DHX40: variants seen among roughly 807,000 people sequenced by gnomAD.
DHX40 encodes probable ATP-dependent RNA helicase DHX40.
A neutral mutation model predicts 89.6 loss-of-function variants in DHX40; 28 were observed. The ratio of observed to expected loss-of-function variants is 0.31; its 90% CI spans 0.23 to 0.43. The LOEUF (loss-of-function observed/expected upper bound fraction) is 0.43. Ranked by LOEUF, DHX40 falls within the 20% of genes least tolerant of loss-of-function variation. The pLI is 1.00. For synonymous variants in DHX40, 226 were observed against 283.6 expected, an observed-to-expected ratio of 0.80 and a Z score of 2.04; for missense variants, 457 against 844.0, an observed-to-expected ratio of 0.54 and a Z score of 5.68.
intron 2 of DHX40, among the ~76,000 whole-genome samples, chr17:59,570,300 T>TTA (rs889411780): frequency 7.3e-6 from 1 of 136,152 alleles, no homozygotes; most frequent in African/African-American, 2.8e-5. Flanking sequence ...TATTTATATA[T>TTA]TATATATATA....
chr17:59,594,519 G>A (rs113729346), intron 12 of DHX40, among the ~76,000 whole-genome samples: 34 of 151,704 alleles, frequency 2.2e-4, no homozygotes, highest in African/African-American at 8.3e-4. Flanking sequence ...TGGGGAGTTA[G>A]GAGCTGATAC....
chr17:59,602,703 A>G, intron 15 of DHX40, 87 bp downstream of exon 15: 2 of 1,141,184 alleles, frequency 1.8e-6, no homozygotes, highest in Non-Finnish European at 2.5e-6. Context: ...AACATTGAAG[A>G]TTTGATTTAA....
chr17:59,598,547 A>G (rs1000602625), intron 12 of DHX40, among the ~76,000 whole-genome samples, 190 bp from the exon 13 acceptor site: 2 of 152,036 alleles, frequency 1.3e-5, no homozygotes, highest in African/African-American at 4.8e-5. Flanking sequence ...AAAATCTCCA[A>G]AGTGATATGA....
chr17:59,596,160 G>T (rs888337968), intron 12 of DHX40, among the ~76,000 whole-genome samples: 1 of 152,160 alleles, frequency 6.6e-6, no homozygotes, highest in Admixed American at 6.6e-5. Context: ...TTTTCTCCTG[G>T]TATTGCGAGC....
At chr17:59,596,735 C>G (rs2030107874) in intron 12 of DHX40, among the ~76,000 whole-genome samples, 1 of 152,048 alleles carries the variant, frequency 6.6e-6, no homozygotes, top group Non-Finnish European at 1.5e-5. Context: ...CAGTTGCTAC[C>G]TAGGTAACAT....
At chr17:59,588,242 C>CAAAAAAA (rs1198855530) in intron 12 of DHX40, among the ~76,000 whole-genome samples, 189 bp downstream of exon 12, 2 of 136,644 alleles carry the variant, frequency 1.5e-5, no homozygotes, top group African/African-American at 5.9e-5. Context: ...AAAAAAAAAA[C>CAAAAAAA]CAAAAACAAA....
chr17:59,572,804 G>A (rs887497306), intron 3 of DHX40, among the ~76,000 whole-genome samples: 1 of 152,206 alleles, frequency 6.6e-6, no homozygotes, highest in Non-Finnish European at 1.5e-5. Context: ...TCATTTCACT[G>A]TTGTTTCCCA....
intron 2 of DHX40, among the ~76,000 whole-genome samples, chr17:59,568,590 C>G (rs1356370416): frequency 6.6e-6 from 1 of 151,930 alleles, no homozygotes; most frequent in African/African-American, 2.4e-5. Flanking sequence ...AAGAAATTAA[C>G]AACAACAACA....
intron 3 of DHX40, among the ~76,000 whole-genome samples, chr17:59,571,596 CTT>C (rs879617178): frequency 2.1e-5 from 3 of 144,476 alleles, no homozygotes; most frequent in African/African-American, 2.5e-5. Context: ...CTGGTAACTT[CTT>C]TTTTTTTTTT....
intron 4 of DHX40, 135 bp downstream of exon 4, chr17:59,573,370 C>G: frequency 1.3e-6 from 1 of 771,612 alleles, no homozygotes; most frequent in Non-Finnish European, 2.0e-6. Context: ...TGCTCCATCA[C>G]CCAGGCTGGA....
intron 14 of DHX40, among the ~76,000 whole-genome samples, chr17:59,600,853 A>AATT (rs368718815): frequency 2.3e-5 from 3 of 130,840 alleles, no homozygotes; most frequent in African/African-American, 8.8e-5. Context: ...TCTCAAAAAA[A>AATT]TTTTTTTTTT....
At chr17:59,576,698 G>A (rs1220157067) in intron 7 of DHX40, among the ~76,000 whole-genome samples, 2 of 152,048 alleles carry the variant, frequency 1.3e-5, no homozygotes, top group Admixed American at 6.5e-5. Flanking sequence ...TTGGTTCACC[G>A]ATGCTTTTAT....
chr17:59,574,595 C>T (rs2143231511), intron 6 of DHX40, among the ~76,000 whole-genome samples: 1 of 150,120 alleles, frequency 6.7e-6, no homozygotes, highest in Middle Eastern at 3.5e-3. Flanking sequence ...AGACATCAGG[C>T]TCATTAGTAA....
At chr17:59,567,573 G>A (rs1475259752) in intron 2 of DHX40, among the ~76,000 whole-genome samples, 1 of 152,150 alleles carries the variant, frequency 6.6e-6, no homozygotes, top group Non-Finnish European at 1.5e-5. Context: ...TTGGAACACT[G>A]ATTCTATTTT....
chr17:59,576,055 A>G (rs1226728453), intron 7 of DHX40, among the ~76,000 whole-genome samples: 1 of 143,904 alleles, frequency 6.9e-6, no homozygotes, highest in Admixed American at 6.8e-5. Flanking sequence ...ACACCTGGCT[A>G]AGTTTTGTAT....
intron 12 of DHX40, among the ~76,000 whole-genome samples, chr17:59,595,334 C>T (rs1292082243): frequency 5.3e-5 from 8 of 152,218 alleles, no homozygotes; most frequent in Admixed American, 2.0e-4. Flanking sequence ...CCTCCTGCCT[C>T]GGCCTCCCAA....
chr17:59,573,014 T>A (rs1415035639), intron 3 of DHX40, 102 bp from the exon 4 acceptor site: 1 of 1,305,996 alleles, frequency 7.7e-7, no homozygotes, highest in Admixed American at 2.5e-5. Flanking sequence ...ACCCTTTTGT[T>A]TAGTCAGAGT....
chr17:59,567,613 G>A (rs1194103251), intron 2 of DHX40, among the ~76,000 whole-genome samples: 1 of 152,124 alleles, frequency 6.6e-6, no homozygotes, highest in Admixed American at 6.5e-5. Context: ...TGATTCCAGA[G>A]TTAGAATCAC....
intron 3 of DHX40, among the ~76,000 whole-genome samples, chr17:59,571,845 A>G (rs952001046): frequency 6.6e-6 from 1 of 152,186 alleles, no homozygotes; most frequent in African/African-American, 2.4e-5. Context: ...TGCTGGGATT[A>G]CAGGGTAAAC....
Sources: allele counts gnomAD v4.1 joint callset (sites outside exome capture counted in the v4.1 genomes callset), GRCh38; gene constraint gnomAD v4.1.1; transcripts MANE v1.5; gene names NCBI Gene and HGNC (gene_info 2026-07-23, HGNC 2026-07-21).